The following ARHGEF19 variants were observed in gnomAD, a reference collection of about 807,000 sequenced individuals.
The protein encoded by ARHGEF19 is Rho guanine nucleotide exchange factor (GEF) 19.
ARHGEF19 carries 92 observed loss-of-function variants against 87.6 expected under a neutral mutation model. That is an observed-to-expected ratio of 1.05 (90% confidence interval 0.89 to 1.25). The LOEUF (loss-of-function observed/expected upper bound fraction) is 1.25. Ranked by LOEUF, ARHGEF19 falls within the 50% of genes most tolerant of loss-of-function variation. The pLI, the probability that ARHGEF19 is intolerant of heterozygous loss-of-function variation, is 0.00. For missense variants in ARHGEF19, 1,054 were observed against 1,051.8 expected (o/e 1.00, Z -0.03); for synonymous variants, 438 against 446.2 (o/e 0.98, Z 0.23).
At chr1:16,203,609 C>T (rs1032130844) in intron 12 of ARHGEF19, among the ~76,000 whole-genome samples, 12 of 152,148 alleles carry the variant, frequency 7.9e-5, no homozygotes, top group African/African-American at 2.9e-4. Context: ...TTCAACATCC[C>T]AACTTCCCTC....
chr1:16,200,494 G>A (rs1269428609), intron 14 of ARHGEF19, among the ~76,000 whole-genome samples: 1 of 152,216 alleles, frequency 6.6e-6, no homozygotes, highest in Non-Finnish European at 1.5e-5. Flanking sequence ...TGTAATCCCA[G>A]CACTTTGGGA....
Position 16,205,698 on chromosome 1 carries a change from G to T in ARHGEF19, c.1452-31C>A. 1 of 1,581,086 alleles carries T rather than the reference G, an allele frequency of 6.3e-7. No individual in the cohort carries two copies. Among genetic ancestry groups the T allele is most frequent in the Non-Finnish European group, 8.6e-7 (1 of 1,165,206 alleles). On this transcript the variant is annotated intron_variant, in intron 8 of 15. Transcript: ENST00000270747. The surrounding 1 kb of genome is among the most constrained non-coding windows in gnomAD (Gnocchi z 5.8). ...AAATGGGGAGGACTCTGGAATCACA[G>T]GTAGGCCTGAATTCCTGGGATCCAC...
chr1:16,207,873 A>G lies in ARHGEF19; in HGVS notation c.694+71T>C, dbSNP rs2100287007. 1 of 1,584,436 alleles carries G rather than the reference A, an allele frequency of 6.3e-7. No homozygotes were observed. Among genetic ancestry groups the G allele is most frequent in the Non-Finnish European group, 8.6e-7 (1 of 1,165,494 alleles). On this transcript the variant is annotated intron_variant, in intron 3 of 15. Transcript: ENST00000270747. This position sits in a 1 kb window ranked among gnomAD's most constrained non-coding sequence, Gnocchi z 4.0. ...CCCTGACGGCCTCAGGCGGCCGGTGAGTGGGCATCGCCCACCCCCACCCCC... is the reference window on the plus strand; with the variant it reads ...CCCTGACGGCCTCAGGCGGCCGGTGGGTGGGCATCGCCCACCCCCACCCCC...
At position 16,208,093 on chromosome 1, in the gene ARHGEF19, C is replaced by T. The variant is rs779728648; in HGVS notation, c.545G>A (p.Gly182Glu). 3.1e-6 allele frequency: 5 copies of T among 1,614,042 alleles called. No homozygotes were observed. In the South Asian group the frequency reaches 4.4e-5, roughly 14 times the overall value. ...STEEPRVELS[G>E]STRVSLEGPE... The stretch of plus-strand genomic sequence containing the variant: ...ACCTTCGAGGCTCACTCGGGTGGAC[C>T]CAGACAACTCCACCCTGGGCTCCTC... The change falls in exon 3 of 16, where the codon GGG becomes GAG. Residue 182 changes from glycine to glutamate, a missense_variant. Physicochemically the swap from Gly to Glu is moderately conservative, Grantham distance 98 (BLOSUM62 -2). Coordinates refer to ENST00000270747, the MANE Select transcript of ARHGEF19 (RefSeq NM_153213.5).
At position 16,208,275 on chromosome 1, in the gene ARHGEF19, C is replaced by G. The variant is rs752088910; in HGVS notation, c.413-50G>C. 4 of 1,572,590 alleles carry G rather than the reference C, an allele frequency of 2.5e-6. No individual in the cohort carries two copies. In the South Asian group the frequency reaches 4.6e-5, roughly 18 times the overall value. ...AGCACGGGCTGGGGTCTCCCCCAAC[C>G]TCCTCCCTGCTGCTGCCCCTGGCCC... is the stretch of plus-strand genomic sequence containing the variant. On this transcript the variant is annotated intron_variant, in intron 2 of 15. Coordinates refer to ENST00000270747, the MANE Select transcript of ARHGEF19 (RefSeq NM_153213.5).
In ARHGEF19 at chr1:16,207,883, G is replaced by T; in HGVS notation, c.694+61C>A. 6.8e-7 allele frequency: 1 copy of T among 1,476,432 alleles called. No homozygotes were observed. Among genetic ancestry groups the T allele is most frequent in the Non-Finnish European group, 9.4e-7 (1 of 1,069,262 alleles). The allele number at this position is 1,476,432 out of a possible 1,614,324, so 91.5% of individuals were successfully genotyped here. On this transcript the variant is annotated intron_variant, in intron 3 of 15. Transcript: ENST00000270747. The surrounding 1 kb of genome is among the most constrained non-coding windows in gnomAD (Gnocchi z 4.0). The stretch of plus-strand genomic sequence containing the variant: ...CTCAGGCGGCCGGTGAGTGGGCATC[G>T]CCCACCCCCACCCCCACCCGGCATC...
chr1:16,208,659 C>T lies in ARHGEF19; in HGVS notation c.396G>A (p.Ser132=), dbSNP rs776500330. ...GTGACTCACAGGCAGACTTCTTCTCCGAGCCGTGGCTGGCCCGGCGCTGTG... is the reference window on the plus strand; with the variant it reads ...GTGACTCACAGGCAGACTTCTTCTCTGAGCCGTGGCTGGCCCGGCGCTGTG... ...TQPQRRASHG[S]EKKSAWRKMR... Residue 132 remains serine, a synonymous_variant, in exon 2 of 16, where the codon TCG becomes TCA. Transcript: ENST00000270747. 1.9e-5 allele frequency: 31 copies of T among 1,604,218 alleles called. No individual in the cohort carries two copies. Among genetic ancestry groups the T allele is most frequent in the Middle Eastern group, 1.7e-4 (1 of 6,026 alleles).
Position 16,206,210 on chromosome 1 carries a change from T to C in ARHGEF19, c.1268A>G (p.Lys423Arg), listed in dbSNP as rs542224977. ...GAQDKQWLFS[K>R]LPEVKSTSER... The stretch of plus-strand genomic sequence containing the variant: ...GCTGGTGCTCTTGACCTCGGGCAGT[T>C]TGGAAAACAGCCACTGCTTGTCCTG... Residue 423 changes from lysine (K) to arginine (R), a missense_variant, in exon 7 of 16, where the codon AAA (lysine) becomes AGA (arginine). Physicochemically the swap from Lys to Arg is conservative, Grantham distance 26. Transcript: ENST00000270747. This position sits in a 1 kb window ranked among gnomAD's most constrained non-coding sequence, Gnocchi z 4.6. The C allele has an allele frequency of 6.9e-6, 11 of 1,598,776 alleles. No homozygotes were observed. In the African/African-American group the frequency reaches 8.0e-5, roughly 12 times the overall value.
At position 16,208,003 on chromosome 1, in the gene ARHGEF19, C is replaced by A. The variant is rs773474416; in HGVS notation, c.635G>T (p.Gly212Val). 6.2e-7 allele frequency: 1 copy of A among 1,613,206 alleles called. No homozygotes were observed. Among genetic ancestry groups the A allele is most frequent in the Non-Finnish European group, 8.5e-7 (1 of 1,179,954 alleles). ...MTRLHSSLRL[G>V]RNSAARALIS... is the part of the protein sequence containing the mutation. Reference sequence around the variant, plus strand: ...GAGTGCCCGGGCTGCTGAATTCCGCCCCAGGCGCAGAGAAGAGTGCAGCCG... The same window carrying A: ...GAGTGCCCGGGCTGCTGAATTCCGCACCAGGCGCAGAGAAGAGTGCAGCCG... The change falls in exon 3 of 16, where the codon GGG (glycine) becomes GTG (valine). Residue 212 changes from glycine (G) to valine (V), a missense_variant. Transcript: ENST00000270747.
chr1:16,207,441 T>C lies in ARHGEF19; in HGVS notation c.874+81A>G. The stretch of plus-strand genomic sequence containing the variant: ...TCTCACTCGATCCCTACCTCTCAAC[T>C]CTCCAAACCCTCTTTTCCCCGTTTC... On this transcript the variant is annotated intron_variant, in intron 5 of 15. Transcript: ENST00000270747. This position sits in a 1 kb window ranked among gnomAD's most constrained non-coding sequence, Gnocchi z 4.0. The C allele has an allele frequency of 1.3e-6, 2 of 1,555,956 alleles. No homozygotes were observed. The highest frequency in any genetic ancestry group is 1.8e-6 in the Non-Finnish European group (2 of 1,137,778).
rs1557541045 is a variant in ARHGEF19, at chr1:16,206,492, C to CCG, written c.1138-153_1138-152insCG. On this transcript the variant is annotated intron_variant, in intron 6 of 15. Transcript: ENST00000270747. The surrounding 1 kb of genome is among the most constrained non-coding windows in gnomAD (Gnocchi z 4.6). ...TCTGGCGCCGGGCGGGCCCGGCGAC[C>CCG]CACGTCCCGCCGCGGGAAATTGTGC... is the stretch of plus-strand genomic sequence containing the variant. 2 of 777,944 alleles carry CCG rather than the reference C, an allele frequency of 2.6e-6. No individual in the cohort carries two copies. The highest frequency in any genetic ancestry group is 2.1e-6 in the Non-Finnish European group (1 of 478,034). 48.2% of individuals were successfully genotyped at this position (777,944 alleles called of 1,614,324 possible). A position where few individuals can be genotyped will look rare whatever the true frequency, so the allele number is the denominator to read the frequency against.
At position 16,208,046 on chromosome 1, in the gene ARHGEF19, C is replaced by T. The variant is rs1469555271; in HGVS notation, c.592G>A (p.Ala198Thr). The change falls in exon 3 of 16, where the codon GCA becomes ACA. Residue 198 changes from alanine to threonine, a missense_variant. Physicochemically the swap from Ala to Thr is moderately conservative, Grantham distance 58. Coordinates refer to ENST00000270747, the MANE Select transcript of ARHGEF19 (RefSeq NM_153213.5). ...LEGPERRRFS[A>T]SELMTRLHSS... is the part of the protein sequence containing the mutation. ...TGCAGCCGGGTCATCAGCTCCGATG[C>T]CGAGAAGCGCCTCCGCTCAGGACCT... 2 of 1,613,688 alleles carry T rather than the reference C, an allele frequency of 1.2e-6. No individual in the cohort carries two copies. Among genetic ancestry groups the T allele is most frequent in the Admixed American group, 1.7e-5 (1 of 60,008 alleles).
At chr1:16,204,174 C>T (rs1569704252) in intron 12 of ARHGEF19, among the ~76,000 whole-genome samples, 1 of 152,158 alleles carries the variant, frequency 6.6e-6, no homozygotes, top group Admixed American at 6.5e-5. Flanking sequence ...CCCACATGTC[C>T]ATCCTTTATC....
rs138818876 is a variant in ARHGEF19 at position 16,202,522 on chromosome 1, G to A, written c.1960C>T (p.Arg654Trp). 2.2e-5 allele frequency: 35 copies of A among 1,614,194 alleles called. No homozygotes were observed. The highest frequency in any genetic ancestry group is 1.3e-4 in the Admixed American group (8 of 60,022). ...CCCTGCAGCTTCAGGCTCAGGTCCC[G>A]CACCTGCAGCTCAGCCATCTTGGCA... ...VHAKMAELQV[R>W]DLSLKLQGIP... Residue 654 changes from arginine to tryptophan, a missense_variant, in exon 13 of 16, where the codon CGG becomes TGG. By Grantham distance (101) the Arg-to-Trp change is moderately radical. Coordinates refer to ENST00000270747, the MANE Select transcript of ARHGEF19 (RefSeq NM_153213.5).
At position 16,207,949 on chromosome 1, in the gene ARHGEF19, C is replaced by T. The variant is rs766571423; in HGVS notation, c.689G>A (p.Arg230Gln). The T allele has an allele frequency of 9.3e-6, 15 of 1,608,520 alleles. No homozygotes were observed. Among genetic ancestry groups the T allele is most frequent in the East Asian group, 8.9e-5 (4 of 44,754 alleles). Residue 230 changes from arginine to glutamine, a missense_variant, in exon 3 of 16, where the codon CGG (arginine) becomes CAG (glutamine). Coordinates refer to ENST00000270747, the MANE Select transcript of ARHGEF19 (RefSeq NM_153213.5). This position sits in a 1 kb window ranked among gnomAD's most constrained non-coding sequence, Gnocchi z 4.0. ...CCCATGGGAGGAGCTGGTACCTTCC[C>T]GGGCTGCTCCGGTGCCTGACCCAGA... ...LISGSGTGAA[R>Q]EGKASGMEAR...
chr1:16,212,253 G>A (rs935357267), intron 1 of ARHGEF19, among the ~76,000 whole-genome samples: 3 of 152,144 alleles, frequency 2.0e-5, no homozygotes, highest in East Asian at 1.9e-4. Flanking sequence ...GCCCCCTCCC[G>A]GGTGCCCCTT....
chr1:16,207,497 T>TC lies in ARHGEF19; in HGVS notation c.874+24dup. On this transcript the variant is annotated intron_variant, in intron 5 of 15. Coordinates refer to ENST00000270747, the MANE Select transcript of ARHGEF19 (RefSeq NM_153213.5). This position sits in a 1 kb window ranked among gnomAD's most constrained non-coding sequence, Gnocchi z 4.0. Reference sequence around the variant, plus strand: ...CGCAGCCCCTTCCTCCGTTACCTCCTCCCAGGGACCCCCCTCCCACGTACA... The same window carrying TC: ...CGCAGCCCCTTCCTCCGTTACCTCCTCCCCAGGGACCCCCCTCCCACGTACA... 6.2e-7 allele frequency: 1 copy of TC among 1,612,400 alleles called. No individual in the cohort carries two copies. Among genetic ancestry groups the TC allele is most frequent in the African/African-American group, 1.3e-5 (1 of 74,978 alleles).
At chr1:16,211,675 G>T (rs562784098) in intron 1 of ARHGEF19, among the ~76,000 whole-genome samples, 3 of 152,240 alleles carry the variant, frequency 2.0e-5, no homozygotes, top group Non-Finnish European at 4.4e-5. Context: ...ATCTAGCTGG[G>T]ATGCCAGCCC....
chr1:16,206,466 A>C lies in ARHGEF19; in HGVS notation c.1138-126T>G, dbSNP rs2100280024. On this transcript the variant is annotated intron_variant, in intron 6 of 15. Coordinates refer to ENST00000270747, the MANE Select transcript of ARHGEF19 (RefSeq NM_153213.5). This position sits in a 1 kb window ranked among gnomAD's most constrained non-coding sequence, Gnocchi z 4.6. ...CGCCCCTTCTCTAGCCCCACTCCTA[A>C]TCTGGCGCCGGGCGGGCCCGGCGAC... 57 of 1,060,212 alleles carry C rather than the reference A, an allele frequency of 5.4e-5. No homozygotes were observed. Among genetic ancestry groups the C allele is most frequent in the Non-Finnish European group, 6.9e-5 (50 of 728,232 alleles). The allele number at this position is 1,060,212 out of a possible 1,614,324, so 65.7% of individuals were successfully genotyped here. A position where few individuals can be genotyped will look rare whatever the true frequency, so the allele number is the denominator to read the frequency against.
Sources: gnomAD v4.1 joint callset for allele counts (sites outside exome capture counted in the v4.1 genomes callset) on GRCh38, gnomAD v4.1.1 for gene constraint, Gnocchi (gnomAD v3.1) non-coding constraint, MANE v1.5 for transcripts, NCBI Gene and HGNC (gene_info 2026-07-23, HGNC 2026-07-21) for gene names.